OPHN1: variants seen among roughly 807,000 people sequenced by gnomAD.
The protein encoded by OPHN1 is oligophrenin 1.
OPHN1 carries 11 observed loss-of-function variants against 60.7 expected under a neutral mutation model. The observed-to-expected ratio is 0.18, with a 90% CI of 0.11 to 0.30. OPHN1 has a LOEUF of 0.30. Ranked by LOEUF, OPHN1 falls within the 10% of genes least tolerant of loss-of-function variation. The pLI is 1.00. For synonymous variants in OPHN1, 226 were observed against 222.6 expected (o/e 1.02, Z -0.14); for missense variants, 449 against 611.0 (o/e 0.73, Z 2.80).
chrX:68,313,310 C>T (rs963565246), intron 2 of OPHN1, among the ~76,000 whole-genome samples: 53 of 111,132 alleles, frequency 4.8e-4, no homozygotes, highest in African/African-American at 1.6e-3. Flanking sequence ...CCTGCAATCC[C>T]ACTGCTAGGT....
intron 15 of OPHN1, among the ~76,000 whole-genome samples, chrX:68,152,848 T>C (rs938473945): frequency 1.8e-5 from 2 of 111,422 alleles, no homozygotes; most frequent in African/African-American, 6.5e-5. Context: ...TTGAAGAATG[T>C]ACATGTATAG....
chrX:68,189,048 A>C (rs1355896301), intron 15 of OPHN1, among the ~76,000 whole-genome samples: 1 of 112,399 alleles, frequency 8.9e-6, no homozygotes, highest in Admixed American at 9.5e-5. Flanking sequence ...CACTCGTTAC[A>C]GCAGGTCCTC....
chrX:68,388,704 C>T (rs767806066), intron 2 of OPHN1, among the ~76,000 whole-genome samples: 2 of 110,527 alleles, frequency 1.8e-5, no homozygotes, highest in East Asian at 5.7e-4. Flanking sequence ...TCAAAGTAAT[C>T]CAGGCCCAAG....
At chrX:68,083,679 A>G (rs1205856985) in intron 19 of OPHN1, among the ~76,000 whole-genome samples, 1 of 112,502 alleles carries the variant, frequency 8.9e-6, no homozygotes, top group Non-Finnish European at 1.9e-5. Flanking sequence ...TCAGCTTTCA[A>G]CATGCCTTCC....
At chrX:68,211,716 A>G (rs2077585415) in intron 8 of OPHN1, among the ~76,000 whole-genome samples, 1 of 112,448 alleles carries the variant, frequency 8.9e-6, no homozygotes, top group South Asian at 3.7e-4. Context: ...GAAAGAGAAG[A>G]TAAAATGAGT....
At chrX:68,250,728 A>C (rs1184775776) in intron 5 of OPHN1, among the ~76,000 whole-genome samples, 1 of 112,279 alleles carries the variant, frequency 8.9e-6, no homozygotes, top group Non-Finnish European at 1.9e-5. Context: ...TAAATGAATT[A>C]GTACCTGTAG....
chrX:68,134,751 T>C (rs949073691), intron 15 of OPHN1, among the ~76,000 whole-genome samples: 1 of 110,178 alleles, frequency 9.1e-6, no homozygotes, highest in African/African-American at 3.3e-5. Flanking sequence ...TTATTAAAAA[T>C]AGAATTTGGA....
intron 6 of OPHN1, among the ~76,000 whole-genome samples, chrX:68,228,242 G>A (rs2077707295): frequency 1.8e-5 from 2 of 111,569 alleles, no homozygotes; most frequent in Admixed American, 1.9e-4. Context: ...CTAATAACAG[G>A]CTCTGAAATT....
intron 2 of OPHN1, among the ~76,000 whole-genome samples, chrX:68,340,439 G>C (rs1390306384): frequency 8.9e-6 from 1 of 111,945 alleles, no homozygotes; most frequent in Non-Finnish European, 1.9e-5. Flanking sequence ...TCAAAAAAAT[G>C]TCACAACAAT....
intron 20 of OPHN1, chrX:68,071,900 T>C (rs1276913433): frequency 1.8e-5 from 5 of 282,243 alleles, no homozygotes; most frequent in Non-Finnish European, 2.5e-5. Flanking sequence ...GGAGAATGAA[T>C]TACAGGCAAG....
At chrX:68,100,539 G>C (rs1325062446) in intron 18 of OPHN1, among the ~76,000 whole-genome samples, 1 of 110,559 alleles carries the variant, frequency 9.0e-6, no homozygotes, top group Non-Finnish European at 1.9e-5. Context: ...GATTGGCCAT[G>C]TGTTGATTAC....
intron 18 of OPHN1, among the ~76,000 whole-genome samples, chrX:68,110,001 C>T (rs907776204): frequency 3.6e-4 from 2 of 5,570 alleles, no homozygotes; most frequent in Non-Finnish European, 2.2e-3. Flanking sequence ...TTAGAGTATA[C>T]GCCTTAAAAA....
At chrX:68,110,042 C>T (rs1329013269) in intron 18 of OPHN1, among the ~76,000 whole-genome samples, 4 of 109,935 alleles carry the variant, frequency 3.6e-5, no homozygotes, top group South Asian at 3.9e-4. Flanking sequence ...CCCTGTTTTA[C>T]GCTGTTTTGC....
chrX:68,231,877 T>C (rs1051731043), intron 6 of OPHN1, among the ~76,000 whole-genome samples: 7 of 111,894 alleles, frequency 6.3e-5, no homozygotes, highest in African/African-American at 2.3e-4. Context: ...TATGTTATCA[T>C]ATGTTTTTCA....
intron 15 of OPHN1, among the ~76,000 whole-genome samples, chrX:68,187,034 C>T (rs139926768): frequency 2.9e-3 from 325 of 111,808 alleles, no homozygotes; most frequent in African/African-American, 0.01. Flanking sequence ...TAAGTGAGAA[C>T]GTCACAATGA....
At chrX:68,270,517 C>T (rs1212039920) in intron 5 of OPHN1, among the ~76,000 whole-genome samples, 1 of 98,705 alleles carries the variant, frequency 1.0e-5, no homozygotes, top group Non-Finnish European at 2.0e-5. Context: ...CATGTTCTCA[C>T]TCATAGGTGG....
intron 2 of OPHN1, among the ~76,000 whole-genome samples, chrX:68,422,862 A>AAAAAG (rs1213962588): frequency 8.2e-5 from 9 of 110,235 alleles, no homozygotes; most frequent in Admixed American, 2.0e-4. Flanking sequence ...AAAGAAAAGA[A>AAAAAG]AAAAGAAAAG....
At chrX:68,140,010 G>A (rs1234906987) in intron 15 of OPHN1, among the ~76,000 whole-genome samples, 1 of 112,449 alleles carries the variant, frequency 8.9e-6, no homozygotes, top group East Asian at 2.8e-4. Context: ...AGTAAAGAGG[G>A]AAACTAAACC....
chrX:68,160,580 T>C lies in OPHN1; in HGVS notation c.1276+32339A>G, dbSNP rs900081901. Among the ~76,000 whole-genome samples the C allele has an allele frequency of 2.7e-5, 3 of 111,799 alleles. No homozygotes were observed. In the East Asian group the frequency reaches 8.3e-4, roughly 31 times the overall value. ...TAAAGGACAGGAATAATACAAAGTA[T>C]GTTCTCTGAGCACATGGAATAAATT... is the stretch of plus-strand genomic sequence containing the variant. On this transcript the variant is annotated intron_variant, in intron 15 of 24. Transcript: ENST00000355520.
Sources: allele counts gnomAD v4.1 joint callset (sites outside exome capture counted in the v4.1 genomes callset), GRCh38; gene constraint gnomAD v4.1.1; transcripts MANE v1.5; gene names NCBI Gene and HGNC (gene_info 2026-07-23, HGNC 2026-07-21).